Variants in IGDCC3 observed in about 807,000 individuals in gnomAD.
The protein encoded by IGDCC3 is immunoglobulin superfamily DCC subclass member 3.
Under a neutral mutation model 72.0 loss-of-function variants are expected in IGDCC3, and 47 were observed. That is an observed-to-expected ratio of 0.65 (90% CI 0.52 to 0.83). The LOEUF (loss-of-function observed/expected upper bound fraction) is 0.83, where lower values mean the gene tolerates loss of function less well. Among genes scored for constraint, IGDCC3 ranks in the 40% least tolerant of loss-of-function variants. The pLI, the probability that IGDCC3 is intolerant of heterozygous loss-of-function variation, is 0.00. For synonymous variants in IGDCC3, 477 were observed against 472.8 expected (o/e 1.01, Z -0.11); for missense variants, 1,038 against 1,091.3 (o/e 0.95, Z 0.69).
intron 2 of IGDCC3, among the ~76,000 whole-genome samples, chr15:65,342,421 A>T (rs2091090417): frequency 6.6e-6 from 1 of 152,156 alleles, no homozygotes; most frequent in South Asian, 2.1e-4. Context: ...CATACAATTA[A>T]CAAATTTAGT....
chr15:65,330,837 C>A (rs945486098), intron 9 of IGDCC3, 96 bp from the exon 10 acceptor site: 6 of 1,181,488 alleles, frequency 5.1e-6, no homozygotes, highest in Middle Eastern at 5.4e-4. Flanking sequence ...AGCCTGACAG[C>A]CCTCTGGCCT....
intron 2 of IGDCC3, among the ~76,000 whole-genome samples, chr15:65,367,072 G>A (rs563307878): frequency 2.0e-5 from 3 of 152,286 alleles, no homozygotes; most frequent in Non-Finnish European, 2.9e-5. Context: ...GGCCGGGTGC[G>A]GTGGCTCACG....
rs546745426 is a variant in IGDCC3 at position 65,375,068 on chromosome 15, C to T, written c.409+29G>A. On this transcript the variant is annotated intron_variant, in intron 2 of 13. Transcript: ENST00000327987. ...ACCCTGGATCACCAGCTGGCTTACA[C>T]AAAGGGAAAACAAGGGATATCCACT... 1.9e-6 allele frequency: 3 copies of T among 1,593,700 alleles called. No individual in the cohort carries two copies. In the East Asian group the frequency reaches 6.7e-5, roughly 36 times the overall value.
rs370991301 is a variant in IGDCC3, at chr15:65,355,452, C to G, written c.410-19496G>C. ...GGAGCGACAACAGCCACCGGAGCCC[C>G]GGTCCAAGCGGCCCCAGGCTCCCCG... On this transcript the variant is annotated intron_variant, in intron 2 of 13. Transcript: ENST00000327987. 6.6e-5 allele frequency among the ~76,000 whole-genome samples: 10 copies of G among 151,754 alleles called. No homozygotes were observed. In the South Asian group the frequency reaches 1.7e-3, roughly 25 times the overall value.
intron 2 of IGDCC3, among the ~76,000 whole-genome samples, chr15:65,338,532 C>A (rs1034148705): frequency 2.0e-5 from 3 of 152,136 alleles, no homozygotes; most frequent in Non-Finnish European, 4.4e-5. Flanking sequence ...AGGGAAGGCT[C>A]TTCACCCCCA....
intron 2 of IGDCC3, among the ~76,000 whole-genome samples, chr15:65,338,936 A>G (rs1030292384): frequency 5.3e-5 from 8 of 151,722 alleles, no homozygotes; most frequent in African/African-American, 1.9e-4. Flanking sequence ...AGGATCTCAC[A>G]CTGTCACCCA....
chr15:65,330,166 C>A (rs375621816), intron 11 of IGDCC3, 127 bp downstream of exon 11: 4 of 755,234 alleles, frequency 5.3e-6, no homozygotes, highest in Middle Eastern at 2.4e-4. Flanking sequence ...ACACAGCCAG[C>A]ATGTGCATGG....
intron 2 of IGDCC3, among the ~76,000 whole-genome samples, chr15:65,347,169 G>A (rs2091131351): frequency 6.6e-6 from 1 of 152,220 alleles, no homozygotes; most frequent in Non-Finnish European, 1.5e-5. Flanking sequence ...GGCCCAGGCT[G>A]CAGCTATTAA....
chr15:65,333,828 TAACTTTGTTTCCCA>T (rs2091001226), intron 5 of IGDCC3, among the ~76,000 whole-genome samples: 1 of 152,208 alleles, frequency 6.6e-6, no homozygotes, highest in South Asian at 2.1e-4. Context: ...GGAACCCGGT[TAACTTTGTTTCCCA>T]AACTTGTTAG....
intron 2 of IGDCC3, among the ~76,000 whole-genome samples, chr15:65,359,233 G>C (rs1433649192): frequency 6.6e-6 from 1 of 152,198 alleles, no homozygotes; most frequent in Non-Finnish European, 1.5e-5. Context: ...ATAATAATGA[G>C]AGTATGTGTC....
In IGDCC3 at chr15:65,327,462, G is replaced by A. The variant is rs1441154122; in HGVS notation, c.*1447C>T. 6.6e-6 allele frequency: 1 copy of A among 152,156 alleles called. No homozygotes were observed. Among genetic ancestry groups the A allele is most frequent in the Non-Finnish European group, 1.5e-5 (1 of 68,020 alleles). 9.4% of individuals were successfully genotyped at this position (152,156 alleles called of 1,614,324 possible). Reference sequence around the variant, plus strand: ...AGGGTGGAGGTGTCCCTAGAGGATTGGGGGTCAGGGATATTTATGGTCTCA... The same window carrying A: ...AGGGTGGAGGTGTCCCTAGAGGATTAGGGGTCAGGGATATTTATGGTCTCA... On this transcript the variant is annotated 3_prime_UTR_variant, in exon 14 of 14. Transcript: ENST00000327987.
rs988286812 is a variant in IGDCC3, at chr15:65,329,842, G to A, written c.1881C>T (p.Cys627=). The A allele has an allele frequency of 1.2e-6, 2 of 1,614,042 alleles. No individual in the cohort carries two copies. The highest frequency in any genetic ancestry group is 1.7e-6 in the Non-Finnish European group (2 of 1,180,024). ...TCTGGTTGGCGGCCTCCTCCTTCCG[G>A]CAGTCACATGGTGGGCTCAAGGCTG... ...ERTALSPPCD[C]RKEEAANQTS... is the part of the protein sequence containing the mutation. Residue 627 remains cysteine (C), a synonymous_variant, in exon 12 of 14, where the codon TGC becomes TGT. Coordinates refer to ENST00000327987, the MANE Select transcript of IGDCC3 (RefSeq NM_004884.4). The surrounding 1 kb of genome is among the most constrained non-coding windows in gnomAD (Gnocchi z 4.1).
chr15:65,329,450 C>T lies in IGDCC3; in HGVS notation c.2145G>A (p.Lys715=). 1.2e-6 allele frequency: 2 copies of T among 1,610,100 alleles called. No homozygotes were observed. Among genetic ancestry groups the T allele is most frequent in the Middle Eastern group, 1.7e-4 (1 of 5,970 alleles). ...LGRDEKRVDM[K]ELEQLFPPAS... is the part of the protein sequence containing the mutation. ...CCGGGGGGAACAGCTGCTCCAGCTC[C>T]TTCATATCCACACGTTTCTCGTCTC... The change falls in exon 13 of 14, where the codon AAG becomes AAA. Residue 715 remains lysine, a synonymous_variant. Transcript: ENST00000327987. The surrounding 1 kb of genome is among the most constrained non-coding windows in gnomAD (Gnocchi z 4.1).
intron 2 of IGDCC3, among the ~76,000 whole-genome samples, chr15:65,347,604 C>T (rs960262959): frequency 6.6e-6 from 1 of 152,112 alleles, no homozygotes; most frequent in Non-Finnish European, 1.5e-5. Flanking sequence ...ATTTTGTCAG[C>T]ACAAAATACA....
chr15:65,329,319 A>C lies in IGDCC3; in HGVS notation c.2205+71T>G. Reference sequence around the variant, plus strand: ...TGATCGAGGCCCGTGGCCAAGGTGAAGGGGGGCAGGATTGGAAGGTGGCAG... The same window carrying C: ...TGATCGAGGCCCGTGGCCAAGGTGACGGGGGGCAGGATTGGAAGGTGGCAG... On this transcript the variant is annotated intron_variant, in intron 13 of 13. Coordinates refer to ENST00000327987, the MANE Select transcript of IGDCC3 (RefSeq NM_004884.4). The surrounding 1 kb of genome is among the most constrained non-coding windows in gnomAD (Gnocchi z 4.1). 1 of 1,495,608 alleles carries C rather than the reference A, an allele frequency of 6.7e-7. No homozygotes were observed. Among genetic ancestry groups the C allele is most frequent in the Non-Finnish European group, 9.0e-7 (1 of 1,105,074 alleles). The allele number at this position is 1,495,608 out of a possible 1,614,324, so 92.6% of individuals were successfully genotyped here.
intron 2 of IGDCC3, chr15:65,355,897 C>A: frequency 3.2e-6 from 1 of 310,198 alleles, no homozygotes; most frequent in Admixed American, 3.3e-5. Context: ...TGGGCCCGGC[C>A]CCGGCGCACT....
chr15:65,354,969 T>C (rs1178724207), intron 2 of IGDCC3, among the ~76,000 whole-genome samples: 1 of 152,112 alleles, frequency 6.6e-6, no homozygotes, highest in African/African-American at 2.4e-5. Context: ...CAGGAATCGG[T>C]GTGTCTACTA....
chr15:65,343,176 A>T (rs1428318468), intron 2 of IGDCC3, among the ~76,000 whole-genome samples: 2 of 152,168 alleles, frequency 1.3e-5, no homozygotes, highest in Non-Finnish European at 2.9e-5. Context: ...CTTGGCAGAG[A>T]GCAAATACTT....
At chr15:65,369,294 C>T (rs1405632934) in intron 2 of IGDCC3, among the ~76,000 whole-genome samples, 1 of 152,174 alleles carries the variant, frequency 6.6e-6, no homozygotes, top group East Asian at 1.9e-4. Flanking sequence ...AGCCTCAGTC[C>T]AACCCCCTCA....
Sources: gnomAD v4.1 joint callset for allele counts (sites outside exome capture counted in the v4.1 genomes callset) on GRCh38, gnomAD v4.1.1 for gene constraint, Gnocchi (gnomAD v3.1) non-coding constraint, MANE v1.5 for transcripts, NCBI Gene and HGNC (gene_info 2026-07-23, HGNC 2026-07-21) for gene names.